Variants in EPS15 observed in about 807,000 individuals in gnomAD.
The protein encoded by EPS15 is epidermal growth factor receptor substrate 15.
In EPS15, 72 loss-of-function variants were observed where a neutral mutation model predicts 113.8. That is an observed-to-expected ratio of 0.63 (90% CI 0.52 to 0.77). The LOEUF is 0.77. Ranked by LOEUF, EPS15 falls within the 30% of genes least tolerant of loss-of-function variation. The probability of loss-of-function intolerance (pLI) is 0.00; values close to 1 mark genes in which losing one functional copy is unlikely to be tolerated. For missense variants in EPS15, 1,048 were observed against 1,045.8 expected (o/e 1.00, Z -0.03); for synonymous variants, 344 against 363.4 (o/e 0.95, Z 0.61).
intron 7 of EPS15, among the ~76,000 whole-genome samples, chr1:51,462,561 G>T (rs1374067215): frequency 1.3e-5 from 2 of 152,024 alleles, no homozygotes; most frequent in Non-Finnish European, 2.9e-5. Flanking sequence ...TAGTCCACAT[G>T]CACCACAGAG....
intron 10 of EPS15, 101 bp from the exon 11 acceptor site, chr1:51,445,146 T>C (rs1165381412): frequency 2.6e-3 from 2,019 of 766,614 alleles, no homozygotes; most frequent in Non-Finnish European, 3.5e-3. Context: ...ATGAGGTGAA[T>C]TTAAAAAGAC....
intron 21 of EPS15, among the ~76,000 whole-genome samples, chr1:51,374,180 A>T (rs1424118128): frequency 6.6e-6 from 1 of 152,218 alleles, no homozygotes; most frequent in Non-Finnish European, 1.5e-5. Flanking sequence ...TATCCTCAGG[A>T]TGTTATAAAG....
intron 13 of EPS15, among the ~76,000 whole-genome samples, chr1:51,417,178 C>T (rs1650303226): frequency 1.3e-5 from 2 of 151,986 alleles, no homozygotes; most frequent in Non-Finnish European, 2.9e-5. Context: ...CATCCCTCTT[C>T]ATCTAAGAAA....
At position 51,481,290 on chromosome 1, in the gene EPS15, C is replaced by T; in HGVS notation, c.58G>A (p.Glu20Lys). The change falls in exon 2 of 25, where the codon GAA (glutamate) becomes AAA (lysine). Residue 20 changes from glutamate to lysine, a missense_variant. By Grantham distance (56) the Glu-to-Lys change is moderately conservative (BLOSUM62 1). Transcript: ENST00000371733. Reference protein sequence around the residue: ...TQLSSGNPVYEKYYRQVDTGN... With the variant: ...TQLSSGNPVYKKYYRQVDTGN... Reference sequence around the variant, plus strand: ...AATCTTACCTGTCTATAGTATTTTTCATATACAGGATTCCCACTTGATAAC... The same window carrying T: ...AATCTTACCTGTCTATAGTATTTTTTATATACAGGATTCCCACTTGATAAC... 1.5e-6 allele frequency: 2 copies of T among 1,375,052 alleles called. No individual in the cohort carries two copies. Among genetic ancestry groups the T allele is most frequent in the Non-Finnish European group, 1.0e-6 (1 of 966,128 alleles). The allele number at this position is 1,375,052 out of a possible 1,614,324, so 85.2% of individuals were successfully genotyped here.
chr1:51,401,016 T>C, intron 18 of EPS15, 63 bp from the exon 19 acceptor site: 1 of 1,059,062 alleles, frequency 9.4e-7, no homozygotes, highest in Non-Finnish European at 1.4e-6. Flanking sequence ...CACCACTACT[T>C]AAAGAGTAAC....
intron 20 of EPS15, among the ~76,000 whole-genome samples, chr1:51,395,691 T>G (rs534964706): frequency 1.1e-4 from 16 of 152,360 alleles, no homozygotes; most frequent in Middle Eastern, 3.4e-3. Flanking sequence ...CTTTATACTT[T>G]AGTTTTTAAT....
chr1:51,357,761 CAG>C (rs1474925112), intron 24 of EPS15, among the ~76,000 whole-genome samples: 3 of 133,626 alleles, frequency 2.2e-5, no homozygotes, highest in Non-Finnish European at 3.1e-5. Flanking sequence ...TTTTTTGAGA[CAG>C]AGTTTTCGCT....
chr1:51,393,373 C>T (rs547846529), intron 21 of EPS15, among the ~76,000 whole-genome samples: 1 of 152,320 alleles, frequency 6.6e-6, no homozygotes, highest in Admixed American at 6.5e-5. Flanking sequence ...CCATACCTGG[C>T]TAATTTTTGC....
At chr1:51,519,152 A>G (rs374275597) in intron 1 of EPS15, 47 bp downstream of exon 1, 6 of 1,351,622 alleles carry the variant, frequency 4.4e-6, no homozygotes, top group Non-Finnish European at 3.9e-6. Context: ...GCGGTGGGGG[A>G]GGGGGCACCG....
intron 20 of EPS15, among the ~76,000 whole-genome samples, chr1:51,394,968 C>T (rs1647782936): frequency 6.6e-6 from 1 of 152,132 alleles, no homozygotes; most frequent in African/African-American, 2.4e-5. Flanking sequence ...AGTGATCCTC[C>T]TGCCTCTCTC....
intron 1 of EPS15, among the ~76,000 whole-genome samples, chr1:51,508,228 GA>G (rs1473130888): frequency 1.1e-4 from 9 of 82,732 alleles, no homozygotes; most frequent in Non-Finnish European, 1.3e-4. Flanking sequence ...GAAAAGAAAA[GA>G]AAAGAAAAGA....
intron 1 of EPS15, among the ~76,000 whole-genome samples, chr1:51,502,891 A>T: frequency 6.6e-6 from 1 of 151,764 alleles, no homozygotes; most frequent in East Asian, 1.9e-4. Context: ...CTATAATTCC[A>T]ACTACTCGGG....
chr1:51,426,961 C>G (rs1436419556), intron 12 of EPS15, among the ~76,000 whole-genome samples: 1 of 151,900 alleles, frequency 6.6e-6, no homozygotes, highest in Non-Finnish European at 1.5e-5. Flanking sequence ...CCTTCCCGCC[C>G]ACTTATACCT....
intron 21 of EPS15, among the ~76,000 whole-genome samples, chr1:51,386,767 G>GA (rs1647087741): frequency 2.0e-5 from 3 of 152,100 alleles, no homozygotes; most frequent in Non-Finnish European, 2.9e-5. Context: ...GAAGTTTAGA[G>GA]AAAAAAGAAT....
chr1:51,376,495 C>T (rs1646802934), intron 21 of EPS15, among the ~76,000 whole-genome samples: 2 of 152,170 alleles, frequency 1.3e-5, no homozygotes, highest in Admixed American at 6.5e-5. Flanking sequence ...GAAATCCTGT[C>T]TCTACTAAAA....
At chr1:51,357,406 ATATATATATATATATATATATTTT>A (rs1307599916) in intron 24 of EPS15, among the ~76,000 whole-genome samples, 2 of 54,204 alleles carry the variant, frequency 3.7e-5, no homozygotes, top group African/African-American at 1.0e-4. Flanking sequence ...ATATATATAT[ATATATATATATATATATATATTTT>A]TTTTTTTTAA....
intron 2 of EPS15, among the ~76,000 whole-genome samples, chr1:51,473,618 AG>A (rs1655399677): frequency 6.6e-6 from 1 of 152,134 alleles, no homozygotes; most frequent in African/African-American, 2.4e-5. Flanking sequence ...CAACAAAAAC[AG>A]GAAAAAAAAG....
intron 21 of EPS15, among the ~76,000 whole-genome samples, chr1:51,392,253 T>G (rs1356378493): frequency 1.3e-5 from 2 of 152,224 alleles, no homozygotes; most frequent in Non-Finnish European, 2.9e-5. Flanking sequence ...CATGCCTGGA[T>G]TTTCCTTGTC....
intron 24 of EPS15, among the ~76,000 whole-genome samples, chr1:51,360,380 A>G (rs1173423586): frequency 6.6e-6 from 1 of 152,236 alleles, no homozygotes; most frequent in African/African-American, 2.4e-5. Flanking sequence ...TTACTGAATA[A>G]TGATGGAATA....
Sources: gnomAD v4.1 joint callset for allele counts (sites outside exome capture counted in the v4.1 genomes callset) on GRCh38, gnomAD v4.1.1 for gene constraint, MANE v1.5 for transcripts, NCBI Gene and HGNC (gene_info 2026-07-23, HGNC 2026-07-21) for gene names.